ALG9: variants seen among roughly 807,000 people sequenced by gnomAD.
ALG9 encodes ALG9 alpha-1,2-mannosyltransferase, also known as alpha-1,2-mannosyltransferase ALG9.
Under a neutral mutation model 81.8 loss-of-function variants are expected in ALG9, and 55 were observed. The observed-to-expected ratio is 0.67, with a 90% confidence interval of 0.54 to 0.84. The LOEUF (loss-of-function observed/expected upper bound fraction) is 0.84. Ranked by LOEUF, ALG9 falls within the 40% of genes least tolerant of loss-of-function variation. The probability of loss-of-function intolerance (pLI) is 0.00; values close to 1 mark genes in which losing one functional copy is unlikely to be tolerated. For synonymous variants in ALG9, 278 were observed against 274.3 expected (o/e 1.01, Z -0.13); for missense variants, 629 against 745.0 (o/e 0.84, Z 1.81).
chr11:111,845,410 C>T (rs1211856358), intron 8 of ALG9: 1 of 152,554 alleles, frequency 6.6e-6, no homozygotes, highest in Admixed American at 6.5e-5. Flanking sequence ...CCTTGATATG[C>T]TCAACCACTT....
chr11:111,807,800 A>AT (rs1950147081), intron 14 of ALG9, among the ~76,000 whole-genome samples: 1 of 151,986 alleles, frequency 6.6e-6, no homozygotes, highest in Admixed American at 6.6e-5. Context: ...CAAAAAAAAA[A>AT]TTTTTTGTTA....
chr11:111,870,376 C>CA lies in ALG9; in HGVS notation c.132-7dup, dbSNP rs375566610. 7.6e-6 allele frequency: 3 copies of CA among 392,286 alleles called. No homozygotes were observed. The highest frequency in any genetic ancestry group is 4.8e-5 in the South Asian group (1 of 20,830). 24.3% of individuals were successfully genotyped at this position (392,286 alleles called of 1,614,324 possible). On this transcript the variant is annotated splice_region_variant and splice_polypyrimidine_tract_variant and intron_variant, in intron 1 of 14. Transcript: ENST00000616540. ...CTGCTTTGTTCCCAGATAACCTGTT[C>CA]AAAAGCAAAAAAAAAAAAAAAAAAA...
intron 14 of ALG9, among the ~76,000 whole-genome samples, chr11:111,803,366 T>A (rs1043852515): frequency 6.6e-6 from 1 of 151,842 alleles, no homozygotes; most frequent in African/African-American, 2.4e-5. Flanking sequence ...CCAGGCATGG[T>A]GGCACGTGCC....
chr11:111,847,372 TGTTGATAAAACACATAAA>T (rs1957097385), intron 8 of ALG9, among the ~76,000 whole-genome samples: 1 of 152,238 alleles, frequency 6.6e-6, no homozygotes, highest in Admixed American at 6.5e-5. Context: ...ATCAGACAGA[TGTTGATAAAACACATAAA>T]CAGGCAATGG....
At chr11:111,856,625 CTT>C (rs148667520) in intron 6 of ALG9, among the ~76,000 whole-genome samples, 69 of 137,018 alleles carry the variant, frequency 5.0e-4, no homozygotes, top group Middle Eastern at 3.6e-3. Context: ...CTGGTACTTA[CTT>C]TTTTTTTTTT....
intron 13 of ALG9, among the ~76,000 whole-genome samples, chr11:111,816,387 C>T (rs552408136): frequency 2.6e-5 from 4 of 152,060 alleles, no homozygotes; most frequent in African/African-American, 7.2e-5. Flanking sequence ...GTTGGCACTA[C>T]GGGCATGCGC....
intron 4 of ALG9, among the ~76,000 whole-genome samples, chr11:111,862,162 AT>A (rs1960399170): frequency 6.6e-6 from 1 of 151,780 alleles, no homozygotes; most frequent in Non-Finnish European, 1.5e-5. Context: ...GCCTCTCCGC[AT>A]TCTATCATCT....
the ALG9 span, among the ~76,000 whole-genome samples, chr11:111,769,987 C>A: frequency 6.6e-6 from 1 of 152,116 alleles, no homozygotes; most frequent in African/African-American, 2.4e-5. Context: ...CCTTCCACCC[C>A]CTAACACCCC....
chr11:111,839,365 C>T (rs1415036943), intron 10 of ALG9, among the ~76,000 whole-genome samples: 4 of 152,080 alleles, frequency 2.6e-5, no homozygotes, highest in African/African-American at 9.6e-5. Flanking sequence ...ACGGGAGGAT[C>T]ACAAGGTCAT....
intron 3 of ALG9, among the ~76,000 whole-genome samples, chr11:111,866,938 C>A (rs1268993498): frequency 6.6e-6 from 1 of 151,912 alleles, no homozygotes; most frequent in Non-Finnish European, 1.5e-5. Context: ...ACTAAAAATA[C>A]AAAAAAATTA....
chr11:111,805,372 G>C, intron 14 of ALG9: 1 of 454,600 alleles, frequency 2.2e-6, no homozygotes, highest in South Asian at 1.6e-5. Flanking sequence ...ATTTGTTATA[G>C]CAGTCTGAAC....
intron 13 of ALG9, among the ~76,000 whole-genome samples, chr11:111,812,940 A>G (rs1950957357): frequency 1.4e-5 from 2 of 143,012 alleles, no homozygotes; most frequent in Admixed American, 1.4e-4. Context: ...AAAAGAAATT[A>G]ATACAGTGAG....
intron 8 of ALG9, among the ~76,000 whole-genome samples, chr11:111,846,014 C>T (rs1325235101): frequency 6.6e-6 from 1 of 152,196 alleles, no homozygotes; most frequent in Non-Finnish European, 1.5e-5. Flanking sequence ...CTATTCCAGG[C>T]CCAGTTCATT....
chr11:111,844,844 A>T (rs1016839766), intron 8 of ALG9, 121 bp from the exon 9 acceptor site: 2 of 1,110,244 alleles, frequency 1.8e-6, no homozygotes, highest in Non-Finnish European at 2.7e-6. Context: ...TGGGAATGAG[A>T]GTGCACAGCC....
In ALG9 at chr11:111,859,267, A is replaced by G. The variant is rs148318970; in HGVS notation, c.565+1280T>C. 6.6e-3 allele frequency among the ~76,000 whole-genome samples: 1,009 copies of G among 152,204 alleles called. 6 individuals carry two copies. Among genetic ancestry groups the G allele is most frequent in the Middle Eastern group, 0.051 (15 of 294 alleles). On this transcript the variant is annotated intron_variant, in intron 5 of 14. Transcript: ENST00000616540. ...ACCTGTAATCCCAGCACTTTGGGAG[A>G]CTGAGGCGGGTGGATCACGTGGTCA...
At chr11:111,849,999 C>A (rs1957514577) in intron 8 of ALG9, among the ~76,000 whole-genome samples, 1 of 152,120 alleles carries the variant, frequency 6.6e-6, no homozygotes, top group South Asian at 2.1e-4. Flanking sequence ...ATTTCCAATA[C>A]AAAAGACATG....
chr11:111,861,361 T>C (rs1228605064), intron 4 of ALG9, among the ~76,000 whole-genome samples: 1 of 152,222 alleles, frequency 6.6e-6, no homozygotes, highest in Non-Finnish European at 1.5e-5. Flanking sequence ...CTTTCTGAAA[T>C]AATTTTGCTT....
At chr11:111,854,749 T>G (rs568214945) in intron 6 of ALG9, among the ~76,000 whole-genome samples, 2 of 152,362 alleles carry the variant, frequency 1.3e-5, no homozygotes, top group African/African-American at 4.8e-5. Context: ...CCTGTATTTC[T>G]CCTTTGATAA....
intron 13 of ALG9, chr11:111,817,399 C>T (rs2136520430): frequency 6.6e-6 from 1 of 152,380 alleles, no homozygotes; most frequent in Non-Finnish European, 1.5e-5. Context: ...CACTCAGTCA[C>T]CCGGGCTGGA....
Sources: gnomAD v4.1 joint callset for allele counts (sites outside exome capture counted in the v4.1 genomes callset) on GRCh38, gnomAD v4.1.1 for gene constraint, MANE v1.5 for transcripts, NCBI Gene and HGNC (gene_info 2026-07-23, HGNC 2026-07-21) for gene names.